ANKRD12: variants seen among roughly 807,000 people sequenced by gnomAD.
ANKRD12 encodes ankyrin repeat domain-containing protein 12.
In ANKRD12, 85 loss-of-function variants were observed where a neutral mutation model predicts 183.4. The ratio of observed to expected loss-of-function variants is 0.46; its 90% CI spans 0.39 to 0.56. The LOEUF (loss-of-function observed/expected upper bound fraction) is 0.56. ANKRD12 is among the 20% of genes least tolerant of loss of function. The probability of loss-of-function intolerance (pLI) is 0.00; values close to 1 mark genes in which losing one functional copy is unlikely to be tolerated. For missense variants in ANKRD12, 2,405 were observed against 2,357.1 expected, an observed-to-expected ratio of 1.02 and a Z score of -0.42; for synonymous variants, 914 against 800.2, an observed-to-expected ratio of 1.14 and a Z score of -2.40.
intron 3 of ANKRD12, among the ~76,000 whole-genome samples, chr18:9,198,422 G>A (rs1246596491): frequency 6.6e-6 from 1 of 152,126 alleles, no homozygotes; most frequent in East Asian, 1.9e-4. Flanking sequence ...GTTATGGGTT[G>A]GACATAGGAA....
chr18:9,277,486 C>A (rs1030819737), intron 11 of ANKRD12, among the ~76,000 whole-genome samples: 6 of 151,642 alleles, frequency 4.0e-5, no homozygotes, highest in African/African-American at 1.5e-4. Flanking sequence ...CGCCACCACA[C>A]CCGGCTAATT....
chr18:9,158,474 T>C (rs1045813381), intron 1 of ANKRD12, among the ~76,000 whole-genome samples: 2 of 152,176 alleles, frequency 1.3e-5, no homozygotes, highest in Non-Finnish European at 2.9e-5. Flanking sequence ...GTGAGGTAAG[T>C]GTAGGATGCT....
chr18:9,157,941 G>C (rs1169513955), intron 1 of ANKRD12, among the ~76,000 whole-genome samples: 1 of 152,120 alleles, frequency 6.6e-6, no homozygotes, highest in Admixed American at 6.6e-5. Flanking sequence ...GTCAAACTGA[G>C]ATGGGATATA....
At chr18:9,202,178 G>GTA (rs2035212265) in intron 3 of ANKRD12, among the ~76,000 whole-genome samples, 1 of 152,140 alleles carries the variant, frequency 6.6e-6, no homozygotes, top group African/African-American at 2.4e-5. Context: ...AGAGAACACA[G>GTA]TATGATGTGT....
chr18:9,266,259 C>A (rs1040108981), intron 10 of ANKRD12, among the ~76,000 whole-genome samples: 23 of 152,304 alleles, frequency 1.5e-4, no homozygotes, highest in Admixed American at 5.2e-4. Context: ...TCAGGAAATA[C>A]AGAGAACACC....
intron 7 of ANKRD12, among the ~76,000 whole-genome samples, chr18:9,218,899 G>T (rs1442693129): frequency 6.6e-6 from 1 of 151,992 alleles, no homozygotes; most frequent in African/African-American, 2.4e-5. Flanking sequence ...GAGCTCAAGC[G>T]ATCCTCCTGC....
intron 10 of ANKRD12, among the ~76,000 whole-genome samples, chr18:9,266,910 T>G (rs1045123429): frequency 1.8e-3 from 281 of 151,948 alleles, no homozygotes; most frequent in African/African-American, 6.4e-3. Context: ...CAAAATAAAG[T>G]GATGGAGGAA....
intron 1 of ANKRD12, among the ~76,000 whole-genome samples, chr18:9,173,794 C>CTA (rs1180709279): frequency 6.6e-6 from 1 of 152,164 alleles, no homozygotes; most frequent in Non-Finnish European, 1.5e-5. Flanking sequence ...TTGGGGGTAA[C>CTA]CGTTCCTTGC....
chr18:9,232,882 C>T (rs991694287), intron 8 of ANKRD12, among the ~76,000 whole-genome samples: 2 of 150,738 alleles, frequency 1.3e-5, no homozygotes, highest in Non-Finnish European at 2.9e-5. Flanking sequence ...CAGAATCTGG[C>T]TCTGTTGCCC....
chr18:9,245,386 G>A (rs1181028579), intron 8 of ANKRD12, among the ~76,000 whole-genome samples: 2 of 152,082 alleles, frequency 1.3e-5, no homozygotes, highest in Non-Finnish European at 2.9e-5. Context: ...AGGAGGTTGA[G>A]GCTACAGTGA....
chr18:9,196,225 G>A (rs983288978), intron 3 of ANKRD12, among the ~76,000 whole-genome samples: 1 of 66,488 alleles, frequency 1.5e-5, no homozygotes, highest in Non-Finnish European at 3.1e-5. Context: ...CACACACACT[G>A]AGGCTAACTG....
At chr18:9,192,438 A>C (rs2034510452) in intron 2 of ANKRD12, among the ~76,000 whole-genome samples, 1 of 152,162 alleles carries the variant, frequency 6.6e-6, no homozygotes, top group South Asian at 2.1e-4. Context: ...TTGGCTTGAT[A>C]GTCTGTTTAG....
chr18:9,156,150 A>G (rs985767305), intron 1 of ANKRD12, among the ~76,000 whole-genome samples: 1 of 151,038 alleles, frequency 6.6e-6, no homozygotes, highest in Non-Finnish European at 1.5e-5. Flanking sequence ...AAAAAAAAAA[A>G]AAAAAGAAAA....
chr18:9,271,666 T>C (rs72939239), intron 10 of ANKRD12, among the ~76,000 whole-genome samples: 11,223 of 152,218 alleles, frequency 0.074, 424 homozygotes, highest in African/African-American at 0.083. Flanking sequence ...CCAGGAATTT[T>C]GAAGAAGAAA....
chr18:9,237,509 T>C (rs1173173045), intron 8 of ANKRD12, among the ~76,000 whole-genome samples: 1 of 152,192 alleles, frequency 6.6e-6, no homozygotes, highest in Non-Finnish European at 1.5e-5. Flanking sequence ...ACTAGGGGAT[T>C]GGTTGATTAA....
At chr18:9,201,139 A>G (rs1241266085) in intron 3 of ANKRD12, among the ~76,000 whole-genome samples, 4 of 152,204 alleles carry the variant, frequency 2.6e-5, no homozygotes, top group African/African-American at 9.7e-5. Flanking sequence ...AAACTGGGGT[A>G]TTCCTGGTAA....
rs1555644588 is a variant in ANKRD12, at chr18:9,275,316, A to ATT, written c.5764-204_5764-203dup. Among the ~76,000 whole-genome samples the ATT allele has an allele frequency of 3.3e-4, 50 of 151,604 alleles. 1 individual carries two copies. Among genetic ancestry groups the ATT allele is most frequent in the South Asian group, 1.3e-3 (6 of 4,772 alleles). On this transcript the variant is annotated intron_variant, in intron 10 of 12. Coordinates refer to ENST00000262126, the MANE Select transcript of ANKRD12 (RefSeq NM_015208.5). ...TTTGTCTCTAAAAATATATATATAT[A>ATT]TTTTTAATTAGCTGTGCTTCATGGC...
intron 9 of ANKRD12, 138 bp downstream of exon 9, chr18:9,259,069 G>A (rs1598730876): frequency 9.7e-7 from 1 of 1,030,262 alleles, no homozygotes; most frequent in East Asian, 2.7e-5. Flanking sequence ...GAGATATAAA[G>A]CTAGTAACGT....
chr18:9,200,551 A>T (rs893215978), intron 3 of ANKRD12: 9 of 152,106 alleles, frequency 5.9e-5, no homozygotes, highest in Non-Finnish European at 8.8e-5. Context: ...AACAGAGGTA[A>T]ATCATGGCAG....
Sources: gnomAD v4.1 joint callset for allele counts (sites outside exome capture counted in the v4.1 genomes callset) on GRCh38, gnomAD v4.1.1 for gene constraint, MANE v1.5 for transcripts, NCBI Gene and HGNC (gene_info 2026-07-23, HGNC 2026-07-21) for gene names.